Variants in SYMPK observed in about 807,000 individuals in gnomAD.
SYMPK encodes symplekin.
Under a neutral mutation model 136.4 loss-of-function variants are expected in SYMPK, and 49 were observed. The ratio of observed to expected loss-of-function variants is 0.36; its 90% CI spans 0.29 to 0.46. The LOEUF is 0.46. Among genes scored for constraint, SYMPK ranks in the 20% least tolerant of loss-of-function variants. The pLI is 1.00. For synonymous variants in SYMPK, 766 were observed against 713.0 expected, an observed-to-expected ratio of 1.07 and a Z score of -1.19; for missense variants, 1,365 against 1,690.0, an observed-to-expected ratio of 0.81 and a Z score of 3.37.
At chr19:45,816,241 G>T in intron 25 of SYMPK, 58 bp from the exon 26 acceptor site, 2 of 1,275,906 alleles carry the variant, frequency 1.6e-6, no homozygotes, top group Non-Finnish European at 2.1e-6. Flanking sequence ...AGGACGGCCG[G>T]AAAGAGAAGG....
intron 11 of SYMPK, among the ~76,000 whole-genome samples, chr19:45,831,903 G>C (rs982756655): frequency 6.6e-6 from 1 of 152,142 alleles, no homozygotes; most frequent in African/African-American, 2.4e-5. Context: ...GTGCAATCAG[G>C]GCTCACTGCA....
In SYMPK at chr19:45,861,437, T is replaced by C. The variant is rs572632142; in HGVS notation, c.-13+1621A>G. Among the ~76,000 whole-genome samples the C allele has an allele frequency of 5.9e-5, 9 of 152,192 alleles. 1 individual carries two copies. In the South Asian group the frequency reaches 1.9e-3, roughly 32 times the overall value. ...CCCATATATACATATTTCCCTTTCA[T>C]TTACAAAAAGAGCATACACAGGGCC... On this transcript the variant is annotated intron_variant, in intron 1 of 26. Coordinates refer to ENST00000245934, the MANE Select transcript of SYMPK (RefSeq NM_004819.3).
chr19:45,829,614 A>C (rs559558181), intron 13 of SYMPK, among the ~76,000 whole-genome samples: 1 of 152,302 alleles, frequency 6.6e-6, no homozygotes, highest in South Asian at 2.1e-4. Flanking sequence ...ACTACTGGCT[A>C]ATCAACAATT....
rs369113790 is a variant in SYMPK, at chr19:45,825,152, G to C, written c.2490+19C>G. ...CTTGCCCGTGGGTGGGCAGGGCCTGGTGGGCTCAGGGGCCTCACCGGCTGC... is the reference window on the plus strand; with the variant it reads ...CTTGCCCGTGGGTGGGCAGGGCCTGCTGGGCTCAGGGGCCTCACCGGCTGC... On this transcript the variant is annotated intron_variant, in intron 18 of 26. Transcript: ENST00000245934. The C allele has an allele frequency of 3.1e-6, 5 of 1,608,110 alleles. No individual in the cohort carries two copies.
chr19:45,835,654 G>C (rs1971285232), intron 10 of SYMPK, among the ~76,000 whole-genome samples: 1 of 152,144 alleles, frequency 6.6e-6, no homozygotes, highest in African/African-American at 2.4e-5. Flanking sequence ...GGTCATGCCT[G>C]CAATCCCAGC....
At position 45,827,821 on chromosome 19, in the gene SYMPK, C is replaced by T. The variant is rs191942615; in HGVS notation, c.2067+16G>A. ...GTCCCCTGCCCCGGGCTGCACTGAC[C>T]AGGGCCTGTCCTCACCTCATCCTCG... On this transcript the variant is annotated intron_variant, in intron 15 of 26. Coordinates refer to ENST00000245934, the MANE Select transcript of SYMPK (RefSeq NM_004819.3). 197 of 1,613,726 alleles carry T rather than the reference C, an allele frequency of 1.2e-4. 1 individual carries two copies. The East Asian group carries it at 3.8e-3, about 31-fold the overall frequency.
Position 45,831,524 on chromosome 19 carries a change from G to A in SYMPK, c.1458C>T (p.Ser486=), listed in dbSNP as rs12460761. The change falls in exon 12 of 27, where the codon AGC becomes AGT. Residue 486 remains serine (S), a synonymous_variant. Transcript: ENST00000245934. ...PKEEKVVKTE[S]VLIKRRLSAQ... ...CTGACAGGCGCCGCTTGATCAGGACGCTCTCTGTCTTCACCACCTTCTCCT... is the reference window on the plus strand; with the variant it reads ...CTGACAGGCGCCGCTTGATCAGGACACTCTCTGTCTTCACCACCTTCTCCT... 1.3e-3 allele frequency: 2,128 copies of A among 1,611,304 alleles called. 4 individuals are homozygous for A. Among genetic ancestry groups the A allele is most frequent in the Non-Finnish European group, 1.7e-3 (1,965 of 1,179,064 alleles).
At position 45,844,160 on chromosome 19, in the gene SYMPK, C is replaced by A; in HGVS notation, c.717G>T (p.Leu239=). The A allele has an allele frequency of 6.2e-7, 1 of 1,611,266 alleles. No individual in the cohort carries two copies. Among genetic ancestry groups the A allele is most frequent in the Non-Finnish European group, 8.5e-7 (1 of 1,178,796 alleles). The part of the protein sequence containing the change: ...WEEGKAALEQ[L]LKFMVHPAIS... ...TGGCAGGGTGCACCATGAACTTAAG[C>A]AGCTGCTCCAAGGCTGCCTTGCCCT... The change falls in exon 8 of 27, where the codon CTG becomes CTT. Residue 239 remains leucine, a synonymous_variant. Coordinates refer to ENST00000245934, the MANE Select transcript of SYMPK (RefSeq NM_004819.3).
In SYMPK at chr19:45,847,960, G is replaced by A. The variant is rs1285279080; in HGVS notation, c.468C>T (p.Ala156=). Residue 156 remains alanine, a synonymous_variant, in exon 7 of 27, where the codon GCC becomes GCT. Transcript: ENST00000245934. ...KSRVISELQE[A]CWDMVSAMAG... is the part of the protein sequence containing the mutation. The stretch of plus-strand genomic sequence containing the variant: ...CCATGGCAGATACCATGTCCCAGCA[G>A]GCCTCCTGTAGCTCGCTAATGACCC... 6.2e-7 allele frequency: 1 copy of A among 1,607,802 alleles called. No individual in the cohort carries two copies. Among genetic ancestry groups the A allele is most frequent in the Non-Finnish European group, 8.5e-7 (1 of 1,175,406 alleles).
chr19:45,858,755 T>C (rs1971892382), intron 1 of SYMPK, among the ~76,000 whole-genome samples: 1 of 152,204 alleles, frequency 6.6e-6, no homozygotes, highest in Non-Finnish European at 1.5e-5. Flanking sequence ...CCTCAGGTGA[T>C]TCGCCCGCCT....
Position 45,816,564 on chromosome 19 carries a change from G to T in SYMPK, c.3272C>A (p.Pro1091His). Residue 1091 changes from proline to histidine, a missense_variant, in exon 25 of 27, where the codon CCT becomes CAT. Pro to His is a moderately conservative substitution (Grantham distance 77, BLOSUM62 -2). Around this residue, in one of 11 missense-constraint regions of SYMPK, gnomAD observed 341 missense variants for 270.5 expected, o/e 1.26. Transcript: ENST00000245934. ...CTCCAAGATGGTCATGATGGAGTTA[G>T]GGATGTGAGCTTGCTGGGTGGAGAG... is the stretch of plus-strand genomic sequence containing the variant. ...SFTPHQQAHI[P>H]NSIMTILEAS... 6.2e-7 allele frequency: 1 copy of T among 1,613,748 alleles called. No homozygotes were observed. Among genetic ancestry groups the T allele is most frequent in the South Asian group, 1.1e-5 (1 of 91,072 alleles).
chr19:45,828,051 A>C, intron 14 of SYMPK, 133 bp from the exon 15 acceptor site: 1 of 737,204 alleles, frequency 1.4e-6, no homozygotes, highest in Non-Finnish European at 2.3e-6. Flanking sequence ...CTGCTTATAA[A>C]GCTTTGGAGG....
intron 12 of SYMPK, chr19:45,830,673 A>C (rs949878000): frequency 1.3e-5 from 2 of 154,134 alleles, no homozygotes; most frequent in African/African-American, 4.8e-5. Flanking sequence ...GCGGATCACG[A>C]GGTCAGGAGA....
chr19:45,825,772 T>C (rs892846407), intron 17 of SYMPK, among the ~76,000 whole-genome samples: 3 of 152,136 alleles, frequency 2.0e-5, no homozygotes, highest in African/African-American at 7.2e-5. Context: ...TCCACCCTCC[T>C]CTTTGCCTGG....
rs1188963725 is a variant in SYMPK at position 45,819,991 on chromosome 19, C to A, written c.2893+1393G>T. 2.0e-5 allele frequency: 3 copies of A among 152,514 alleles called. No homozygotes were observed. In the South Asian group the frequency reaches 6.2e-4, roughly 32 times the overall value. 9.4% of individuals were successfully genotyped at this position (152,514 alleles called of 1,614,324 possible). A position where few individuals can be genotyped will look rare whatever the true frequency, so the allele number is the denominator to read the frequency against. On this transcript the variant is annotated intron_variant, in intron 22 of 26. Transcript: ENST00000245934. ...GAAGGGTGGGGTGGTGTAGGGTAGG[C>A]CCTGCTGACCCCTCTGGGGGCCTCA...
In SYMPK at chr19:45,825,106, A is replaced by T. The variant is rs1971008778; in HGVS notation, c.2490+65T>A. ...TCTGAGGTGGAGCAGGTTGGGGAAG[A>T]GCTGGAGCTGGGGACACAGCCTTGC... On this transcript the variant is annotated intron_variant, in intron 18 of 26. Coordinates refer to ENST00000245934, the MANE Select transcript of SYMPK (RefSeq NM_004819.3). 1.2e-5 allele frequency: 18 copies of T among 1,563,298 alleles called. No individual in the cohort carries two copies. The South Asian group carries it at 2.2e-4, about 19-fold the overall frequency.
chr19:45,859,571 G>C (rs1436111682), intron 1 of SYMPK, among the ~76,000 whole-genome samples: 4 of 152,146 alleles, frequency 2.6e-5, no homozygotes, highest in Admixed American at 2.6e-4. Flanking sequence ...CTGCACTCCA[G>C]CCTGGATGAC....
chr19:45,829,759 T>C (rs1167473942), intron 13 of SYMPK, among the ~76,000 whole-genome samples: 1 of 152,174 alleles, frequency 6.6e-6, no homozygotes, highest in African/African-American at 2.4e-5. Context: ...TTAACAACCG[T>C]GAAGAACCAA....
chr19:45,816,396 CAGG>C, intron 25 of SYMPK, 83 bp downstream of exon 25: 1 of 1,493,492 alleles, frequency 6.7e-7, no homozygotes, highest in Non-Finnish European at 8.9e-7. Flanking sequence ...CTCTCGGGGT[CAGG>C]AGGAGGCCAT....
Sources: allele counts gnomAD v4.1 joint callset (sites outside exome capture counted in the v4.1 genomes callset), GRCh38; gene constraint gnomAD v4.1.1; regional missense constraint gnomAD v4.1.1; transcripts MANE v1.5; gene names NCBI Gene and HGNC (gene_info 2026-07-23, HGNC 2026-07-21).